Variants in CSMD2 observed in about 807,000 individuals in gnomAD.
The protein encoded by CSMD2 is CUB and Sushi multiple domains 2, also known as CUB and sushi domain-containing protein 2.
CSMD2 carries 130 observed loss-of-function variants against 398.5 expected under a neutral mutation model. That is an observed-to-expected ratio of 0.33 (90% CI 0.28 to 0.38). CSMD2 has a LOEUF of 0.38. Among genes scored for constraint, CSMD2 ranks in the 10% least tolerant of loss-of-function variants. CSMD2 has a pLI of 1.00. For synonymous variants in CSMD2, 1,828 were observed against 1,908.5 expected (o/e 0.96, Z 1.10); for missense variants, 3,829 against 4,764.9 (o/e 0.80, Z 5.78).
intron 3 of CSMD2, among the ~76,000 whole-genome samples, chr1:33,940,838 AT>A (rs1327874939): frequency 6.6e-6 from 1 of 152,114 alleles, no homozygotes; most frequent in Non-Finnish European, 1.5e-5. Flanking sequence ...TCCCAGTCTG[AT>A]TTGCCAGTCC....
In CSMD2 at chr1:33,676,552, T is replaced by C. The variant is rs566191865; in HGVS notation, c.4053-13460A>G. 1.6e-3 allele frequency among the ~76,000 whole-genome samples: 250 copies of C among 152,282 alleles called. 10 individuals are homozygous for C. The highest frequency in any genetic ancestry group is 5.0e-4 in the Non-Finnish European group (34 of 68,024). On this transcript the variant is annotated intron_variant, in intron 25 of 70. Coordinates refer to ENST00000373381, the MANE Select transcript of CSMD2 (RefSeq NM_001281956.2). ...ATACTGCCCAACGTAATTTATAGAT[T>C]CAATGCCATCCCCATTAAGCTACCA... is the stretch of plus-strand genomic sequence containing the variant.
At chr1:34,094,883 T>C (rs1256527994) in intron 1 of CSMD2, among the ~76,000 whole-genome samples, 1 of 149,762 alleles carries the variant, frequency 6.7e-6, no homozygotes, top group Non-Finnish European at 1.5e-5. Context: ...ACCCAGGAAT[T>C]GAACTCAGCT....
intron 3 of CSMD2, among the ~76,000 whole-genome samples, chr1:33,947,579 C>T (rs1644876818): frequency 6.6e-6 from 1 of 152,142 alleles, no homozygotes; most frequent in Non-Finnish European, 1.5e-5. Flanking sequence ...GCTCCAGACC[C>T]ACGGCCTCTC....
chr1:34,069,078 T>C (rs1295938643), intron 2 of CSMD2, among the ~76,000 whole-genome samples: 1 of 152,196 alleles, frequency 6.6e-6, no homozygotes. Flanking sequence ...TCTCCACCAA[T>C]GCTTTCACAT....
intron 11 of CSMD2, among the ~76,000 whole-genome samples, chr1:33,790,794 C>CTAA (rs1398218956): frequency 7.3e-6 from 1 of 136,974 alleles, no homozygotes; most frequent in Non-Finnish European, 1.6e-5. Flanking sequence ...CGTCTATCAT[C>CTAA]TCTCTAATAT....
Position 33,533,300 on chromosome 1 carries a change from CT to C in CSMD2, c.9992-72del. ...TTCAGGGGCCCTTTCGACCATTCCC[CT>C]GTTCCTAGATAGAATATCCTCTTCC... On this transcript the variant is annotated intron_variant, in intron 63 of 70. Transcript: ENST00000373381. This position sits in a 1 kb window ranked among gnomAD's most constrained non-coding sequence, Gnocchi z 4.2. The C allele has an allele frequency of 7.4e-7, 1 of 1,350,380 alleles. No individual in the cohort carries two copies. Among genetic ancestry groups the C allele is most frequent in the Non-Finnish European group, 1.0e-6 (1 of 965,092 alleles). 83.6% of individuals were successfully genotyped at this position (1,350,380 alleles called of 1,614,324 possible). A position where few individuals can be genotyped will look rare whatever the true frequency, so the allele number is the denominator to read the frequency against.
intron 13 of CSMD2, among the ~76,000 whole-genome samples, chr1:33,767,907 G>GAC (rs2149318591): frequency 6.6e-6 from 1 of 152,300 alleles, no homozygotes; most frequent in South Asian, 2.1e-4. Context: ...GTGCAATGGA[G>GAC]ACAGGGCAAG....
intron 1 of CSMD2, among the ~76,000 whole-genome samples, chr1:34,098,643 A>C (rs1460362299): frequency 1.3e-5 from 2 of 151,426 alleles, no homozygotes; most frequent in East Asian, 3.9e-4. Flanking sequence ...AAAAATGGAA[A>C]TATGTATCAG....
chr1:33,759,314 C>CTT (rs1208743357), intron 13 of CSMD2, among the ~76,000 whole-genome samples: 5 of 107,736 alleles, frequency 4.6e-5, no homozygotes, highest in African/African-American at 2.1e-4. Context: ...AGTTTCTTTT[C>CTT]TTTTTTTTTC....
intron 10 of CSMD2, among the ~76,000 whole-genome samples, chr1:33,807,011 A>T (rs528453843): frequency 1.3e-5 from 2 of 152,352 alleles, no homozygotes; most frequent in South Asian, 4.1e-4. Flanking sequence ...AAACTTAATT[A>T]AACAGGATGA....
intron 44 of CSMD2, 171 bp downstream of exon 44, chr1:33,600,694 T>C: frequency 1.5e-6 from 1 of 661,924 alleles, no homozygotes; most frequent in Non-Finnish European, 2.6e-6. Flanking sequence ...CACTGAGAGC[T>C]CTCACATAGG....
Position 33,570,333 on chromosome 1 carries a change from A to AT in CSMD2, c.7958-787dup, listed in dbSNP as rs57025243. On this transcript the variant is annotated intron_variant, in intron 51 of 70. Transcript: ENST00000373381. ...CAGGTGGGCACCACCATGCTGGCTA[A>AT]TTTTTTTTTTTTTTTTTTTTAGTAG... Among the ~76,000 whole-genome samples, 1,102 of 140,704 alleles carry AT rather than the reference A, an allele frequency of 7.8e-3. 14 individuals are homozygous for AT. Among genetic ancestry groups the AT allele is most frequent in the African/African-American group, 0.024 (909 of 37,506 alleles). 92.3% of individuals were successfully genotyped at this position (140,704 alleles called of 152,430 possible).
chr1:33,783,720 T>C (rs1203997178), intron 12 of CSMD2, among the ~76,000 whole-genome samples: 1 of 152,128 alleles, frequency 6.6e-6, no homozygotes, highest in Non-Finnish European at 1.5e-5. Flanking sequence ...AGTGTTAGTG[T>C]AGGAAAGATG....
At chr1:33,660,146 T>C (rs1644085096) in intron 26 of CSMD2, among the ~76,000 whole-genome samples, 1 of 152,216 alleles carries the variant, frequency 6.6e-6, no homozygotes, top group Non-Finnish European at 1.5e-5. Context: ...AACAGACACA[T>C]GGTTTTTGCT....
intron 3 of CSMD2, among the ~76,000 whole-genome samples, chr1:33,988,618 A>C (rs1558208430): frequency 6.6e-6 from 1 of 152,168 alleles, no homozygotes; most frequent in Non-Finnish European, 1.5e-5. Flanking sequence ...CACGGTCTCC[A>C]TGAGAGCAGG....
intron 5 of CSMD2, among the ~76,000 whole-genome samples, chr1:33,906,745 C>T (rs1643114432): frequency 6.6e-6 from 1 of 152,092 alleles, no homozygotes; most frequent in South Asian, 2.1e-4. Flanking sequence ...GCTGGCTCTA[C>T]AGTTTGACTG....
intron 5 of CSMD2, chr1:33,863,475 C>T (rs1639702329): frequency 6.6e-6 from 1 of 152,220 alleles, no homozygotes. Flanking sequence ...TTTCGCCTCA[C>T]ATTTCTTCAG....
intron 1 of CSMD2, among the ~76,000 whole-genome samples, chr1:34,106,744 A>C (rs1035082047): frequency 6.6e-6 from 1 of 152,202 alleles, no homozygotes; most frequent in African/African-American, 2.4e-5. Flanking sequence ...CAACAAAGGC[A>C]CAAAACAATG....
chr1:34,133,659 G>A (rs762900764), intron 1 of CSMD2, among the ~76,000 whole-genome samples: 2 of 151,898 alleles, frequency 1.3e-5, no homozygotes, highest in Non-Finnish European at 2.9e-5. Flanking sequence ...TTAGCCCATA[G>A]TTACAGGTTG....
Sources: gnomAD v4.1 joint callset for allele counts (sites outside exome capture counted in the v4.1 genomes callset) on GRCh38, gnomAD v4.1.1 for gene constraint, Gnocchi (gnomAD v3.1) non-coding constraint, MANE v1.5 for transcripts, NCBI Gene and HGNC (gene_info 2026-07-23, HGNC 2026-07-21) for gene names.